Variants in SSBP3 observed in about 807,000 individuals in gnomAD.
SSBP3 encodes the protein single stranded DNA binding protein 3, also known as single-stranded DNA-binding protein 3.
A neutral mutation model predicts 69.6 loss-of-function variants in SSBP3; 5 were observed. The observed-to-expected ratio is 0.07, with a 90% CI of 0.04 to 0.15. The LOEUF (loss-of-function observed/expected upper bound fraction) is 0.15. SSBP3 is among the 10% of genes least tolerant of loss of function. SSBP3 has a pLI of 1.00. For synonymous variants in SSBP3, 196 were observed against 193.4 expected (o/e 1.01, Z -0.11); for missense variants, 312 against 534.0 (o/e 0.58, Z 4.10).
At chr1:54,268,560 C>G in intron 5 of SSBP3, among the ~76,000 whole-genome samples, 1 of 152,234 alleles carries the variant, frequency 6.6e-6, no homozygotes, top group East Asian at 1.9e-4. Context: ...ATCCAGAATG[C>G]CCCTAATTCA....
chr1:54,377,285 C>T (rs1303833903), intron 4 of SSBP3, among the ~76,000 whole-genome samples: 1 of 152,262 alleles, frequency 6.6e-6, no homozygotes, highest in East Asian at 1.9e-4. Flanking sequence ...TGCCTCCAGG[C>T]CCTGCCTGAT....
chr1:54,241,092 C>T, intron 12 of SSBP3, 133 bp from the exon 13 acceptor site: 1 of 966,162 alleles, frequency 1.0e-6, no homozygotes, highest in Non-Finnish European at 1.5e-6. Context: ...GCTACACCCC[C>T]AGCGCTCACT....
intron 4 of SSBP3, among the ~76,000 whole-genome samples, chr1:54,361,493 G>C (rs913974341): frequency 1.3e-5 from 2 of 152,140 alleles, no homozygotes; most frequent in African/African-American, 4.8e-5. Context: ...CTCCCGCTGA[G>C]TGTGGGATAA....
At chr1:54,255,173 T>C (rs1168797101) in intron 7 of SSBP3, among the ~76,000 whole-genome samples, 1 of 128,348 alleles carries the variant, frequency 7.8e-6, no homozygotes, top group African/African-American at 2.8e-5. Flanking sequence ...GGGGGGGTGG[T>C]TGGCAGGGAG....
chr1:54,350,548 G>T (rs1289433402), intron 4 of SSBP3, among the ~76,000 whole-genome samples: 1 of 152,190 alleles, frequency 6.6e-6, no homozygotes, highest in Non-Finnish European at 1.5e-5. Context: ...CCTTCAGATG[G>T]TTTTCTAAGA....
intron 4 of SSBP3, among the ~76,000 whole-genome samples, chr1:54,322,794 G>T (rs1646237351): frequency 6.6e-6 from 1 of 152,108 alleles, no homozygotes; most frequent in Non-Finnish European, 1.5e-5. Flanking sequence ...TATGCGTCAG[G>T]TGTTAAGTCA....
At chr1:54,280,025 G>A (rs538712775) in intron 5 of SSBP3, among the ~76,000 whole-genome samples, 22 of 152,190 alleles carry the variant, frequency 1.4e-4, no homozygotes, top group Non-Finnish European at 2.5e-4. Context: ...TTTTGGCAGT[G>A]TTCTGGGAAT....
chr1:54,356,826 C>T (rs925623617), intron 4 of SSBP3: 30 of 152,454 alleles, frequency 2.0e-4, no homozygotes, highest in Middle Eastern at 3.4e-3. Context: ...AGTCTTCCTC[C>T]ACCCGCCCCA....
At chr1:54,261,275 G>A (rs958431585) in intron 5 of SSBP3, among the ~76,000 whole-genome samples, 5 of 152,218 alleles carry the variant, frequency 3.3e-5, no homozygotes, top group African/African-American at 7.2e-5. Context: ...GGGCTCTGCT[G>A]CCCTGTGTTT....
At chr1:54,376,348 C>A (rs1214552366) in intron 4 of SSBP3, among the ~76,000 whole-genome samples, 2 of 152,262 alleles carry the variant, frequency 1.3e-5, no homozygotes, top group Non-Finnish European at 2.9e-5. Flanking sequence ...ACTGCCAACA[C>A]TGCCAGCCTC....
rs569794090 is a variant in SSBP3, at chr1:54,317,718, T to G, written c.277-36191A>C. Among the ~76,000 whole-genome samples, 15 of 152,240 alleles carry G rather than the reference T, an allele frequency of 9.9e-5. No homozygotes were observed. The South Asian group carries it at 3.1e-3, about 32-fold the overall frequency. On this transcript the variant is annotated intron_variant, in intron 4 of 17. Coordinates refer to ENST00000610401, the Ensembl canonical transcript of SSBP3. ...GTCTACAAGAGATGGGGTGCTGTACTCAAGGAGGGAAGACAGTGAGGTCAT... is the reference window on the plus strand; with the variant it reads ...GTCTACAAGAGATGGGGTGCTGTACGCAAGGAGGGAAGACAGTGAGGTCAT...
rs148489764 is a variant in SSBP3 at position 54,288,634 on chromosome 1, T to A, written c.277-7107A>T. Among the ~76,000 whole-genome samples, 793 of 151,702 alleles carry A rather than the reference T, an allele frequency of 5.2e-3. 5 individuals carry two copies. Among genetic ancestry groups the A allele is most frequent in the Middle Eastern group, 0.014 (4 of 294 alleles). ...ATTCCCCAACATCGCTGGGAAGATGTCATTTCTGTTTTCCTGGTAAGGAAA... is the reference window on the plus strand; with the variant it reads ...ATTCCCCAACATCGCTGGGAAGATGACATTTCTGTTTTCCTGGTAAGGAAA... On this transcript the variant is annotated intron_variant, in intron 4 of 17. Coordinates refer to ENST00000610401, the Ensembl canonical transcript of SSBP3.
intron 4 of SSBP3, among the ~76,000 whole-genome samples, chr1:54,306,949 T>C (rs1229786260): frequency 6.6e-6 from 1 of 152,188 alleles, no homozygotes; most frequent in Non-Finnish European, 1.5e-5. Flanking sequence ...ACCCTCCAAC[T>C]ACTGCTTACC....
At chr1:54,244,831 C>G (rs1644705701) in intron 9 of SSBP3, among the ~76,000 whole-genome samples, 2 of 152,144 alleles carry the variant, frequency 1.3e-5, no homozygotes, top group Non-Finnish European at 2.9e-5. Context: ...CCCCTTCGGG[C>G]TGACTGCTCC....
chr1:54,406,077 C>T, exon 1 of SSBP3: 2 of 1,216,586 alleles, frequency 1.6e-6, no homozygotes, highest in Non-Finnish European at 2.2e-6. Flanking sequence ...TCCGGCTCTC[C>T]CGAGCTGCCC....
intron 5 of SSBP3, among the ~76,000 whole-genome samples, chr1:54,276,754 C>A (rs1306294254): frequency 6.6e-6 from 1 of 152,134 alleles, no homozygotes; most frequent in Non-Finnish European, 1.5e-5. Flanking sequence ...TTATCCAGCC[C>A]AGAGTGCTGC....
rs570203988 is a variant in SSBP3, at chr1:54,292,805, T to C, written c.277-11278A>G. Among the ~76,000 whole-genome samples, 4 of 151,996 alleles carry C rather than the reference T, an allele frequency of 2.6e-5. No individual in the cohort carries two copies. The East Asian group carries it at 7.7e-4, about 29-fold the overall frequency. ...TCTGTCTCTGGGGCAGGAAGGGTAA[T>C]ATCTCTGGTACCTGATACCCCTAGG... On this transcript the variant is annotated intron_variant, in intron 4 of 17. Transcript: ENST00000610401.
At chr1:54,257,995 T>G (rs1036901376) in intron 6 of SSBP3, 74 bp downstream of exon 6, 1 of 1,435,512 alleles carries the variant, frequency 7.0e-7, no homozygotes, top group African/African-American at 1.4e-5. Context: ...TTGATTTTTG[T>G]TTTTCCTCTG....
At chr1:54,358,445 A>C (rs1646902174) in intron 4 of SSBP3, among the ~76,000 whole-genome samples, 1 of 152,218 alleles carries the variant, frequency 6.6e-6, no homozygotes. Flanking sequence ...GGCTGACTGG[A>C]TGACCAACTG....
Sources: gnomAD v4.1 joint callset for allele counts (sites outside exome capture counted in the v4.1 genomes callset) on GRCh38, gnomAD v4.1.1 for gene constraint, MANE v1.5 for transcripts, NCBI Gene and HGNC (gene_info 2026-07-23, HGNC 2026-07-21) for gene names.